The following SLC30A6 variants were observed in gnomAD, a reference collection of about 807,000 sequenced individuals.
SLC30A6 encodes the protein solute carrier family 30 member 6, also known as zinc transporter 6.
SLC30A6 carries 55 observed loss-of-function variants against 63.0 expected under a neutral mutation model. The ratio of observed to expected loss-of-function variants is 0.87; its 90% CI spans 0.70 to 1.09. The LOEUF (loss-of-function observed/expected upper bound fraction) is 1.09, where lower values mean the gene tolerates loss of function less well. Among genes scored for constraint, SLC30A6 ranks in the 50% least tolerant of loss-of-function variants. The pLI is 0.00. For synonymous variants in SLC30A6, 224 were observed against 186.1 expected (o/e 1.20, Z -1.66); for missense variants, 587 against 549.2 (o/e 1.07, Z -0.69).
intron 2 of SLC30A6, among the ~76,000 whole-genome samples, chr2:32,172,309 C>G (rs369193222): frequency 6.6e-6 from 1 of 152,182 alleles, no homozygotes; most frequent in Non-Finnish European, 1.5e-5. Context: ...CACTATTTTT[C>G]AACTCCGTTA....
chr2:32,171,569 T>G (rs1681215690), intron 2 of SLC30A6, among the ~76,000 whole-genome samples, 196 bp downstream of exon 2: 2 of 152,208 alleles, frequency 1.3e-5, no homozygotes, highest in African/African-American at 4.8e-5. Flanking sequence ...GGTAGGAAGC[T>G]TCTGTTAAAG....
chr2:32,192,927 CT>C lies in SLC30A6; in HGVS notation c.380del (p.Leu127TrpfsTer12). 9.2e-6 allele frequency: 14 copies of C among 1,523,516 alleles called. No individual in the cohort carries two copies. The highest frequency in any genetic ancestry group is 5.1e-5 in the South Asian group (4 of 77,768). The allele number at this position is 1,523,516 out of a possible 1,614,324, so 94.4% of individuals were successfully genotyped here. ...LFILKESAER[F>X]LEQPEIHTGR... is the part of the protein sequence containing the mutation. ...TTTTTATTTCTTATAGTGCAGAACG[CT>C]TTTTGGAACAGCCCGAGATACACAC... On this transcript the variant is annotated frameshift_variant, in exon 7 of 14. Coordinates refer to ENST00000282587, the MANE Select transcript of SLC30A6 (RefSeq NM_017964.5). LOFTEE classifies it high-confidence loss of function.
chr2:32,212,583 CTTTTTTT>C (rs1193348947), intron 13 of SLC30A6, among the ~76,000 whole-genome samples: 2 of 83,024 alleles, frequency 2.4e-5, no homozygotes, highest in South Asian at 3.8e-4. Context: ...CCATTTTTAC[CTTTTTTT>C]TTTTTTTTTT....
intron 3 of SLC30A6, 120 bp from the exon 4 acceptor site, chr2:32,175,199 G>T: frequency 2.5e-6 from 2 of 798,584 alleles, no homozygotes; most frequent in Non-Finnish European, 2.1e-6. Context: ...TATGAGGTTG[G>T]CCCGTGACTC....
At chr2:32,183,733 C>T (rs1478624209) in intron 4 of SLC30A6, among the ~76,000 whole-genome samples, 1 of 147,572 alleles carries the variant, frequency 6.8e-6, no homozygotes, top group Non-Finnish European at 1.5e-5. Context: ...AGGTAACTAA[C>T]ATATTTAACT....
intron 5 of SLC30A6, among the ~76,000 whole-genome samples, chr2:32,188,501 C>G (rs1271459920): frequency 6.6e-6 from 1 of 152,094 alleles, no homozygotes; most frequent in African/African-American, 2.4e-5. Context: ...TGAGACCAGC[C>G]TAACCAACAT....
chr2:32,192,450 C>G (rs368057670), intron 6 of SLC30A6, 34 bp downstream of exon 6: 2 of 1,565,974 alleles, frequency 1.3e-6, no homozygotes, highest in Middle Eastern at 3.4e-4. Flanking sequence ...CTAAATCCCC[C>G]CATGACACCT....
chr2:32,173,866 G>C (rs1681462043), intron 2 of SLC30A6, among the ~76,000 whole-genome samples, 197 bp from the exon 3 acceptor site: 1 of 152,134 alleles, frequency 6.6e-6, no homozygotes, highest in South Asian at 2.1e-4. Flanking sequence ...TCTCCTTCTG[G>C]AACTATTCTT....
chr2:32,176,931 C>A (rs147347252), intron 4 of SLC30A6, among the ~76,000 whole-genome samples: 1 of 152,042 alleles, frequency 6.6e-6, no homozygotes, highest in Admixed American at 6.6e-5. Flanking sequence ...CACCACCACG[C>A]CTGGCAAATT....
chr2:32,212,235 T>C (rs1438465896), intron 13 of SLC30A6, among the ~76,000 whole-genome samples: 1 of 152,144 alleles, frequency 6.6e-6, no homozygotes, highest in Non-Finnish European at 1.5e-5. Flanking sequence ...ACAATTGTCA[T>C]CTCATTTCTA....
At chr2:32,182,407 C>G (rs1270096469) in intron 4 of SLC30A6, among the ~76,000 whole-genome samples, 1 of 152,144 alleles carries the variant, frequency 6.6e-6, no homozygotes, top group East Asian at 1.9e-4. Context: ...ACTATATGAA[C>G]CCTGTCATGA....
At chr2:32,211,260 CT>C (rs1490073148) in intron 13 of SLC30A6, among the ~76,000 whole-genome samples, 3 of 152,204 alleles carry the variant, frequency 2.0e-5, no homozygotes, top group Non-Finnish European at 4.4e-5. Flanking sequence ...CCACACTACA[CT>C]TCTTTAAATT....
intron 13 of SLC30A6, among the ~76,000 whole-genome samples, chr2:32,212,480 G>C (rs543879030): frequency 6.6e-6 from 1 of 151,664 alleles, no homozygotes; most frequent in Non-Finnish European, 1.5e-5. Context: ...GAGTGGTTTA[G>C]GGTAGTGTGT....
In SLC30A6 at chr2:32,206,832, T is replaced by C. The variant is rs142989123; in HGVS notation, c.769-54T>C. The C allele has an allele frequency of 9.9e-4, 1,431 of 1,443,794 alleles. 22 individuals are homozygous for C. In the East Asian group the frequency reaches 0.027, roughly 27 times the overall value. The allele number at this position is 1,443,794 out of a possible 1,614,324, so 89.4% of individuals were successfully genotyped here. ...TGGGGAGGGGGTTCAGGACCATTGTTGGCAAACTTTTTTCCTTCCCCCATT... is the reference window on the plus strand; with the variant it reads ...TGGGGAGGGGGTTCAGGACCATTGTCGGCAAACTTTTTTCCTTCCCCCATT... On this transcript the variant is annotated intron_variant, in intron 11 of 13. Transcript: ENST00000282587.
chr2:32,220,429 G>A lies in SLC30A6; in HGVS notation c.1102G>A (p.Asp368Asn). Residue 368 changes from aspartate (D) to asparagine (N), a missense_variant, in exon 14 of 14, where the codon GAT becomes AAT. By Grantham distance (23) the Asp-to-Asn change is conservative. Coordinates refer to ENST00000282587, the MANE Select transcript of SLC30A6 (RefSeq NM_017964.5). ...CCCAATGCCTCTTTTAAAGGGTACT[G>A]ATGATTTGAACCCAGTTACATCAAC... ...VIPMPLLKGT[D>N]DLNPVTSTPA... 6.2e-7 allele frequency: 1 copy of A among 1,614,190 alleles called. No homozygotes were observed.
rs2148923871 is a variant in SLC30A6, at chr2:32,222,559, C to G, written c.*1846C>G. 6.6e-6 allele frequency: 1 copy of G among 152,172 alleles called. No homozygotes were observed. Among genetic ancestry groups the G allele is most frequent in the African/African-American group, 2.4e-5 (1 of 41,522 alleles). 9.4% of individuals were successfully genotyped at this position (152,172 alleles called of 1,614,324 possible). A position where few individuals can be genotyped will look rare whatever the true frequency, so the allele number is the denominator to read the frequency against. Reference sequence around the variant, plus strand: ...TAATAAGTGACCATGTCCTAAATACCTTTTTCTTAGTGAGGAGTTGGTCAT... The same window carrying G: ...TAATAAGTGACCATGTCCTAAATACGTTTTTCTTAGTGAGGAGTTGGTCAT... On this transcript the variant is annotated 3_prime_UTR_variant, in exon 14 of 14. Coordinates refer to ENST00000282587, the MANE Select transcript of SLC30A6 (RefSeq NM_017964.5).
At chr2:32,166,655 C>A (rs761819393) in intron 1 of SLC30A6, among the ~76,000 whole-genome samples, 1 of 152,192 alleles carries the variant, frequency 6.6e-6, no homozygotes, top group South Asian at 2.1e-4. Context: ...TTTGAAAATG[C>A]ATTTATTAGA....
At chr2:32,219,584 G>A (rs1376903721) in intron 13 of SLC30A6, among the ~76,000 whole-genome samples, 2 of 151,566 alleles carry the variant, frequency 1.3e-5, no homozygotes, top group Admixed American at 6.6e-5. Flanking sequence ...ACAGGCACAC[G>A]CCACTATGCC....
chr2:32,223,959 T>C lies in SLC30A6; in HGVS notation c.*3246T>C, dbSNP rs762067080. 3 of 152,330 alleles carry C rather than the reference T, an allele frequency of 2.0e-5. No homozygotes were observed. The highest frequency in any genetic ancestry group is 1.3e-4 in the Admixed American group (2 of 15,298). 9.4% of individuals were successfully genotyped at this position (152,330 alleles called of 1,614,324 possible). ...ATTTCAAGCTTCTGATTTAGCTGTT[T>C]GTAAACTTCCAAGTTTTGCTTGACT... is the stretch of plus-strand genomic sequence containing the variant. On this transcript the variant is annotated 3_prime_UTR_variant, in exon 14 of 14. Coordinates refer to ENST00000282587, the MANE Select transcript of SLC30A6 (RefSeq NM_017964.5).
Sources: gnomAD v4.1 joint callset for allele counts (sites outside exome capture counted in the v4.1 genomes callset) on GRCh38, gnomAD v4.1.1 for gene constraint, MANE v1.5 for transcripts, NCBI Gene and HGNC (gene_info 2026-07-23, HGNC 2026-07-21) for gene names.